The following HTR4 variants were observed in gnomAD, a reference collection of about 807,000 sequenced individuals.
The protein encoded by HTR4 is 5-hydroxytryptamine receptor 4, also known as 5-hydroxytryptamine (serotonin) receptor 4, G protein-coupled.
Under a neutral mutation model 36.8 loss-of-function variants are expected in HTR4, and 16 were observed. The observed-to-expected ratio is 0.43, with a 90% CI of 0.29 to 0.66. HTR4 has a LOEUF of 0.66. Ranked by LOEUF, HTR4 falls within the 30% of genes least tolerant of loss-of-function variation. The pLI is 0.13. For synonymous variants in HTR4, 189 were observed against 185.1 expected (o/e 1.02, Z -0.17); for missense variants, 438 against 490.9 (o/e 0.89, Z 1.02).
At chr5:148,509,252 G>A (rs1757374020) in intron 6 of HTR4, 1 of 512,866 alleles carries the variant, frequency 1.9e-6, no homozygotes, top group African/African-American at 1.9e-5. Flanking sequence ...ATGGGGACTT[G>A]ATTAGAATTC....
At chr5:148,550,113 A>G in intron 3 of HTR4, 24 bp downstream of exon 3, 2 of 1,613,434 alleles carry the variant, frequency 1.2e-6, no homozygotes, top group African/African-American at 1.3e-5. Context: ...ATGTTTCCTC[A>G]AAAGGTTCCC....
At chr5:148,527,002 C>A (rs1439557958) in intron 4 of HTR4, among the ~76,000 whole-genome samples, 1 of 152,108 alleles carries the variant, frequency 6.6e-6, no homozygotes, top group South Asian at 2.1e-4. Context: ...CTTATTGTAT[C>A]TTTCAAAATA....
intron 6 of HTR4, among the ~76,000 whole-genome samples, chr5:148,504,119 A>G (rs1401389507): frequency 2.0e-5 from 3 of 152,170 alleles, no homozygotes; most frequent in African/African-American, 7.2e-5. Context: ...TCCAAGAATT[A>G]AACTCAGCTC....
At chr5:148,644,428 T>G (rs1387828945) in intron 1 of HTR4, among the ~76,000 whole-genome samples, 2 of 122,384 alleles carry the variant, frequency 1.6e-5, no homozygotes, top group Non-Finnish European at 3.3e-5. Context: ...ACAAGTTTTT[T>G]TTTTTTTTTT....
intron 5 of HTR4, among the ~76,000 whole-genome samples, chr5:148,513,431 G>C (rs1299996358): frequency 6.6e-6 from 1 of 152,152 alleles, no homozygotes; most frequent in Non-Finnish European, 1.5e-5. Context: ...TGTAAACTTG[G>C]TCATAAATCA....
chr5:148,546,975 C>T (rs1186314593), intron 4 of HTR4, among the ~76,000 whole-genome samples: 1 of 152,146 alleles, frequency 6.6e-6, no homozygotes, highest in Non-Finnish European at 1.5e-5. Context: ...GGTTGCTTGC[C>T]ATGAGTTCAA....
Position 148,654,312 on chromosome 5 carries a change from C to T in HTR4, c.-298G>A. ...TGGGCTCGCCGCGCATCGTCCTTCT[C>T]CCCAACCGAGCCGGACTCCACGGGC... On this transcript the variant is annotated 5_prime_UTR_variant, in exon 1 of 7. Coordinates refer to ENST00000377888, the MANE Select transcript of HTR4 (RefSeq NM_000870.7). 3.0e-6 allele frequency: 3 copies of T among 984,876 alleles called. No homozygotes were observed. Among genetic ancestry groups the T allele is most frequent in the Non-Finnish European group, 3.6e-6 (3 of 829,456 alleles). The allele number at this position is 984,876 out of a possible 1,614,324, so 61.0% of individuals were successfully genotyped here.
At chr5:148,583,976 A>G (rs948097460) in intron 2 of HTR4, among the ~76,000 whole-genome samples, 11 of 152,044 alleles carry the variant, frequency 7.2e-5, no homozygotes, top group Non-Finnish European at 2.9e-5. Context: ...TTTACATTTG[A>G]TCTTTATCTT....
intron 1 of HTR4, among the ~76,000 whole-genome samples, chr5:148,641,269 T>A (rs1447159739): frequency 6.6e-6 from 1 of 152,162 alleles, no homozygotes; most frequent in African/African-American, 2.4e-5. Flanking sequence ...TTGTGTCACT[T>A]CTAAAAATTC....
At chr5:148,573,345 C>G (rs926110933) in intron 2 of HTR4, among the ~76,000 whole-genome samples, 1 of 151,962 alleles carries the variant, frequency 6.6e-6, no homozygotes, top group South Asian at 2.1e-4. Flanking sequence ...TAATGTAAAA[C>G]AGCAAAGGTT....
intron 2 of HTR4, among the ~76,000 whole-genome samples, chr5:148,581,283 C>G (rs1311692409): frequency 6.6e-6 from 1 of 151,928 alleles, no homozygotes; most frequent in Non-Finnish European, 1.5e-5. Flanking sequence ...ACTATTTTCT[C>G]TCATTTCATA....
chr5:148,627,070 GT>G (rs1753138239), intron 2 of HTR4, among the ~76,000 whole-genome samples: 1 of 152,142 alleles, frequency 6.6e-6, no homozygotes, highest in Non-Finnish European at 1.5e-5. Context: ...TCTAGGATCT[GT>G]GTTTTTTCCT....
At chr5:148,549,396 T>G (rs1438883878) in intron 3 of HTR4, among the ~76,000 whole-genome samples, 1 of 152,190 alleles carries the variant, frequency 6.6e-6, no homozygotes, top group East Asian at 1.9e-4. Context: ...GCACTTTATT[T>G]GCATCATCAT....
intron 4 of HTR4, among the ~76,000 whole-genome samples, chr5:148,545,001 C>T (rs1759319753): frequency 6.6e-6 from 1 of 152,240 alleles, no homozygotes; most frequent in Non-Finnish European, 1.5e-5. Context: ...TCACTCTGTG[C>T]TTTGGCCCAG....
intron 6 of HTR4, among the ~76,000 whole-genome samples, chr5:148,486,279 A>T (rs1756156454): frequency 6.6e-6 from 1 of 151,470 alleles, no homozygotes; most frequent in East Asian, 1.9e-4. Flanking sequence ...CATGCATGAT[A>T]AAAAAAAATG....
intron 2 of HTR4, among the ~76,000 whole-genome samples, chr5:148,606,234 T>C (rs1043588701): frequency 2.0e-5 from 3 of 151,834 alleles, no homozygotes; most frequent in Non-Finnish European, 4.4e-5. Flanking sequence ...TGGGAAAGGG[T>C]AGAAAATGAG....
At chr5:148,457,785 GAC>G (rs1755137284) in intron 5 of HTR4, among the ~76,000 whole-genome samples, 1 of 134,628 alleles carries the variant, frequency 7.4e-6, no homozygotes, top group Non-Finnish European at 1.6e-5. Flanking sequence ...AATATATTTT[GAC>G]ATATCATTAA....
Position 148,537,378 on chromosome 5 carries a change from T to A in HTR4, c.353+11290A>T, listed in dbSNP as rs1325437631. 3.3e-5 allele frequency among the ~76,000 whole-genome samples: 5 copies of A among 151,544 alleles called. No homozygotes were observed. The East Asian group carries it at 9.7e-4, about 30-fold the overall frequency. ...CCCAAAAATAGCAGAGGACAAGAAA[T>A]AACCAAAATCAGAACTGAATTGAAG... On this transcript the variant is annotated intron_variant, in intron 4 of 6. Transcript: ENST00000377888.
chr5:148,600,813 T>C (rs1387056362), intron 2 of HTR4, among the ~76,000 whole-genome samples: 1 of 150,780 alleles, frequency 6.6e-6, no homozygotes, highest in Non-Finnish European at 1.5e-5. Context: ...AAAGCAAAAA[T>C]GAACAAGTGG....
Sources: gnomAD v4.1 joint callset for allele counts (sites outside exome capture counted in the v4.1 genomes callset) on GRCh38, gnomAD v4.1.1 for gene constraint, MANE v1.5 for transcripts, NCBI Gene and HGNC (gene_info 2026-07-23, HGNC 2026-07-21) for gene names.